Variants in CRYZL1 observed in about 807,000 individuals in gnomAD.
The protein encoded by CRYZL1 is ferry endosomal RAB5 effector complex subunit 4.
A neutral mutation model predicts 50.6 loss-of-function variants in CRYZL1; 34 were observed. The ratio of observed to expected loss-of-function variants is 0.67; its 90% CI spans 0.51 to 0.89. The LOEUF (loss-of-function observed/expected upper bound fraction) is 0.89, where lower values mean the gene tolerates loss of function less well. CRYZL1 is among the 40% of genes least tolerant of loss of function. The pLI is 0.00. For missense variants in CRYZL1, 354 were observed against 402.3 expected (o/e 0.88, Z 1.03); for synonymous variants, 125 against 134.3 (o/e 0.93, Z 0.48).
chr21:33,622,967 A>ATTT (rs35493080), intron 3 of CRYZL1, among the ~76,000 whole-genome samples: 1 of 117,484 alleles, frequency 8.5e-6, no homozygotes, highest in Non-Finnish European at 1.9e-5. Flanking sequence ...TTTCTTTTCT[A>ATTT]TTTTTTTTTT....
In CRYZL1 at chr21:33,597,640, T is replaced by C. The variant is rs1013687714; in HGVS notation, c.677-239A>G. On this transcript the variant is annotated intron_variant, in intron 9 of 12. Transcript: ENST00000381554. ...TTTTTGTTTTTTTTTTGAGACGGAGTCTCGCTCTGTCGCCCAGGCTGGAGT... is the reference window on the plus strand; with the variant it reads ...TTTTTGTTTTTTTTTTGAGACGGAGCCTCGCTCTGTCGCCCAGGCTGGAGT... Among the ~76,000 whole-genome samples the C allele has an allele frequency of 2.0e-5, 3 of 151,420 alleles. No homozygotes were observed. The East Asian group carries it at 5.8e-4, about 30-fold the overall frequency.
At chr21:33,637,464 G>GTACCT (rs2087222180) in intron 1 of CRYZL1, among the ~76,000 whole-genome samples, 1 of 149,106 alleles carries the variant, frequency 6.7e-6, no homozygotes, top group Admixed American at 6.7e-5. Context: ...AAAAAAAAGA[G>GTACCT]TACCTTAGAT....
At chr21:33,615,342 C>T (rs1399438685) in intron 5 of CRYZL1, among the ~76,000 whole-genome samples, 2 of 151,674 alleles carry the variant, frequency 1.3e-5, no homozygotes, top group African/African-American at 2.4e-5. Context: ...TATGTAGAGT[C>T]GAGCTTTTGC....
At chr21:33,591,474 G>A in intron 11 of CRYZL1, 1 of 520,718 alleles carries the variant, frequency 1.9e-6, no homozygotes, top group Non-Finnish European at 3.4e-6. Context: ...TATCCTAAGT[G>A]CTCACCACTA....
intron 2 of CRYZL1, among the ~76,000 whole-genome samples, chr21:33,629,375 C>T (rs986742420): frequency 1.3e-5 from 2 of 152,218 alleles, no homozygotes; most frequent in African/African-American, 4.8e-5. Flanking sequence ...AATGATCCTG[C>T]CTCAGCCTCC....
chr21:33,607,502 C>A (rs1324571514), intron 6 of CRYZL1, among the ~76,000 whole-genome samples: 2 of 152,040 alleles, frequency 1.3e-5, no homozygotes, highest in African/African-American at 2.4e-5. Context: ...CATGGTGGTG[C>A]ATGCCTATTG....
At chr21:33,605,530 C>CTTTTTTGATTTTTTTTTTTTTTTTTT (rs2086802620) in intron 6 of CRYZL1, among the ~76,000 whole-genome samples, 1 of 53,196 alleles carries the variant, frequency 1.9e-5, no homozygotes. Context: ...TACAAGAATT[C>CTTTTTTGATTTTTTTTTTTTTTTTTT]TTTTTTTTTT....
chr21:33,620,900 A>ATTTT (rs770153924), intron 4 of CRYZL1, among the ~76,000 whole-genome samples: 1 of 112,882 alleles, frequency 8.9e-6, no homozygotes, highest in Non-Finnish European at 1.7e-5. Context: ...GGGGTGTCCA[A>ATTTT]TCTTTTTTTT....
rs563944174 is a variant in CRYZL1, at chr21:33,596,499, G to A, written c.799-663C>T. 1.4e-3 allele frequency among the ~76,000 whole-genome samples: 213 copies of A among 151,940 alleles called. No individual in the cohort carries two copies. The Middle Eastern group carries it at 0.017, about 12-fold the overall frequency. On this transcript the variant is annotated intron_variant, in intron 10 of 12. Coordinates refer to ENST00000381554, the MANE Select transcript of CRYZL1 (RefSeq NM_145858.3). ...CTAAATATACAAAAATTAACTGGGC[G>A]TGGTGGCGGGCGCCTGTAATCCCAG... is the stretch of plus-strand genomic sequence containing the variant.
intron 9 of CRYZL1, among the ~76,000 whole-genome samples, chr21:33,597,613 T>TCTTTA (rs10676108): frequency 0.7 from 106,289 of 150,948 alleles, 37,492 homozygotes; most frequent in African/African-American, 0.77. Flanking sequence ...GCCGGCACTC[T>TCTTTA]CTTTTTGTTT....
chr21:33,615,156 T>C lies in CRYZL1; in HGVS notation c.262+1550A>G, dbSNP rs1278573557. On this transcript the variant is annotated intron_variant, in intron 5 of 12. Transcript: ENST00000381554. The stretch of plus-strand genomic sequence containing the variant: ...TTTTTTCTTTCTTTTCTTTCTCTCT[T>C]TTTTTTTTTTTTTTTTGGACAAGGT... 3.0e-3 allele frequency among the ~76,000 whole-genome samples: 29 copies of C among 9,586 alleles called. 1 individual carries two copies. The highest frequency in any genetic ancestry group is 0.02 in the Admixed American group (10 of 512). 6.3% of individuals were successfully genotyped at this position (9,586 alleles called of 152,430 possible).
rs148123660 is a variant in CRYZL1, at chr21:33,640,246, T to G, written c.-7+1435A>C. 1.6e-3 allele frequency: 2,465 copies of G among 1,542,802 alleles called. 11 individuals are homozygous for G. The highest frequency in any genetic ancestry group is 0.012 in the African/African-American group (898 of 72,088). ...TTTCATTGCACAAGGCTGGCAGCTT[T>G]ATCTTGTATGGCGAACTACCTCACT... On this transcript the variant is annotated intron_variant, in intron 1 of 12. Transcript: ENST00000381554.
rs143498019 is a variant in CRYZL1, at chr21:33,616,433, C to T, written c.262+273G>A. ...TCAGCCTCCTGAGTAGCTGGGATTA[C>T]AGGCATGTGCCACCATGCCTGGCTA... On this transcript the variant is annotated intron_variant, in intron 5 of 12. Coordinates refer to ENST00000381554, the MANE Select transcript of CRYZL1 (RefSeq NM_145858.3). 500 of 320,452 alleles carry T rather than the reference C, an allele frequency of 1.6e-3. 4 individuals are homozygous for T. Among genetic ancestry groups the T allele is most frequent in the African/African-American group, 0.01 (459 of 45,864 alleles). The allele number at this position is 320,452 out of a possible 1,614,324, so 19.9% of individuals were successfully genotyped here.
intron 5 of CRYZL1, 84 bp from the exon 6 acceptor site, chr21:33,613,690 CA>C: frequency 9.8e-7 from 1 of 1,019,860 alleles, no homozygotes; most frequent in Non-Finnish European, 1.5e-6. Flanking sequence ...AAATTTTGTT[CA>C]GTGAAATTTT....
chr21:33,600,598 G>T (rs183495108), intron 8 of CRYZL1, among the ~76,000 whole-genome samples: 43 of 150,922 alleles, frequency 2.8e-4, no homozygotes, highest in South Asian at 4.2e-4. Flanking sequence ...TTTTCCCTTC[G>T]TTCATGTTCT....
At position 33,613,540 on chromosome 21, in the gene CRYZL1, A is replaced by T; in HGVS notation, c.329T>A (p.Leu110Ter). The T allele has an allele frequency of 6.2e-7, 1 of 1,605,192 alleles. No homozygotes were observed. ...CEVVRVHEHY[L>*]VHKPEKVTWT... is the part of the protein sequence containing the mutation. ...CAAAGTACTGAATTGCTACATACCC[A>T]AGTAATGCTCATGTACTCTAACAAC... The change falls in exon 6 of 13, where the codon TTG becomes TAG. Residue 110 changes from leucine to a stop codon, truncating the protein, a stop_gained and splice_region_variant. Transcript: ENST00000381554. LOFTEE classifies it high-confidence loss of function.
intron 8 of CRYZL1, among the ~76,000 whole-genome samples, chr21:33,600,336 C>G (rs2086738093): frequency 6.6e-6 from 1 of 152,084 alleles, no homozygotes; most frequent in African/African-American, 2.4e-5. Flanking sequence ...TAGTAGTATC[C>G]TATTAATAGA....
intron 8 of CRYZL1, among the ~76,000 whole-genome samples, chr21:33,599,955 A>T (rs769627392): frequency 7.9e-5 from 12 of 152,060 alleles, no homozygotes; most frequent in Non-Finnish European, 1.5e-4. Flanking sequence ...TTTCTCAAGT[A>T]TGTTCATATT....
chr21:33,627,752 T>G (rs1465281697), intron 2 of CRYZL1, among the ~76,000 whole-genome samples: 1 of 145,748 alleles, frequency 6.9e-6, no homozygotes, highest in African/African-American at 2.5e-5. Flanking sequence ...TTTTTTTTTT[T>G]TTTTTTTTTT....
Sources: allele counts gnomAD v4.1 joint callset (sites outside exome capture counted in the v4.1 genomes callset), GRCh38; gene constraint gnomAD v4.1.1; transcripts MANE v1.5; gene names NCBI Gene and HGNC (gene_info 2026-07-23, HGNC 2026-07-21).